CMSS1: variants seen among roughly 807,000 people sequenced by gnomAD.
CMSS1 encodes the protein cms1 ribosomal small subunit homolog.
CMSS1 carries 33 observed loss-of-function variants against 43.5 expected under a neutral mutation model. The observed-to-expected ratio is 0.76, with a 90% CI of 0.57 to 1.01. The LOEUF (loss-of-function observed/expected upper bound fraction) is 1.01. CMSS1 is among the 50% of genes least tolerant of loss of function. CMSS1 has a pLI of 0.00. For missense variants in CMSS1, 313 were observed against 326.4 expected (o/e 0.96, Z 0.32); for synonymous variants, 115 against 117.2 (o/e 0.98, Z 0.12).
At chr3:100,144,050 A>G (rs970651567) in intron 1 of CMSS1, among the ~76,000 whole-genome samples, 1 of 152,082 alleles carries the variant, frequency 6.6e-6, no homozygotes, top group African/African-American at 2.4e-5. Context: ...TGTTTGGGCT[A>G]TTTACATTTA....
rs1308696628 is a variant in CMSS1, at chr3:100,147,468, T to G, written c.153+407T>G. Among the ~76,000 whole-genome samples, 6 of 151,974 alleles carry G rather than the reference T, an allele frequency of 3.9e-5. No individual in the cohort carries two copies. In the East Asian group the frequency reaches 1.2e-3, roughly 29 times the overall value. On this transcript the variant is annotated intron_variant, in intron 2 of 9. Transcript: ENST00000421999. Reference sequence around the variant, plus strand: ...TTTTATGTTTTGTAGAGATGAGGTTTCTCTGTGTTGCCCAGGCTGGTCTCA... The same window carrying G: ...TTTTATGTTTTGTAGAGATGAGGTTGCTCTGTGTTGCCCAGGCTGGTCTCA...
intron 2 of CMSS1, among the ~76,000 whole-genome samples, chr3:100,150,677 C>T (rs2066899657): frequency 6.6e-6 from 1 of 152,174 alleles, no homozygotes; most frequent in Admixed American, 6.5e-5. Flanking sequence ...TCTAAATAAT[C>T]ATCCTTGGCC....
intron 1 of CMSS1, chr3:99,850,384 T>C: frequency 6.2e-7 from 1 of 1,613,446 alleles, no homozygotes; most frequent in Non-Finnish European, 8.5e-7. Flanking sequence ...GAAAGCGTCT[T>C]CTAACTTTTC....
chr3:99,948,213 G>A (rs1708067221), intron 1 of CMSS1, among the ~76,000 whole-genome samples: 1 of 152,070 alleles, frequency 6.6e-6, no homozygotes, highest in Admixed American at 6.6e-5. Context: ...ATGGAGAGAA[G>A]AACCAAAGTT....
chr3:100,144,404 G>A (rs2066830397), intron 1 of CMSS1, among the ~76,000 whole-genome samples: 1 of 152,226 alleles, frequency 6.6e-6, no homozygotes, highest in African/African-American at 2.4e-5. Flanking sequence ...GGGGATGGAA[G>A]TCCAGGCTCC....
intron 1 of CMSS1, among the ~76,000 whole-genome samples, chr3:99,942,207 A>G (rs1160162533): frequency 6.6e-6 from 1 of 152,168 alleles, no homozygotes; most frequent in Non-Finnish European, 1.5e-5. Flanking sequence ...ATCTCAAAAA[A>G]AAAAAAAGAA....
At position 99,927,589 on chromosome 3, in the gene CMSS1, G is replaced by T. The variant is rs143853297; in HGVS notation, c.64+109546G>T. On this transcript the variant is annotated intron_variant, in intron 1 of 9. Coordinates refer to ENST00000421999, the MANE Select transcript of CMSS1 (RefSeq NM_032359.4). ...TCTTCATGTTGGTCAGGCTGGTCTC[G>T]AATTCCCGACCTCAGGTGATCTGCC... is the stretch of plus-strand genomic sequence containing the variant. Among the ~76,000 whole-genome samples the T allele has an allele frequency of 4.7e-3, 719 of 151,944 alleles. 6 individuals are homozygous for T. The highest frequency in any genetic ancestry group is 0.016 in the African/African-American group (676 of 41,452).
intron 1 of CMSS1, among the ~76,000 whole-genome samples, chr3:100,003,606 T>G (rs1709905755): frequency 6.6e-6 from 1 of 152,160 alleles, no homozygotes; most frequent in Non-Finnish European, 1.5e-5. Flanking sequence ...AAGTACAGTG[T>G]TTTTTCCAGT....
intron 1 of CMSS1, among the ~76,000 whole-genome samples, chr3:99,857,697 G>A (rs908282820): frequency 2.6e-5 from 4 of 152,250 alleles, no homozygotes; most frequent in Admixed American, 6.5e-5. Context: ...GCAATAAAAC[G>A]AATTCCACAA....
chr3:100,088,729 T>A (rs537932116), intron 1 of CMSS1, among the ~76,000 whole-genome samples: 1 of 152,134 alleles, frequency 6.6e-6, no homozygotes, highest in Admixed American at 6.5e-5. Context: ...TATTTTCTTG[T>A]CCTTGTGCCT....
intron 1 of CMSS1, among the ~76,000 whole-genome samples, chr3:99,846,068 A>C (rs908710944): frequency 2.0e-5 from 3 of 152,248 alleles, no homozygotes; most frequent in Non-Finnish European, 4.4e-5. Flanking sequence ...GAATCCTTTC[A>C]AAATGGGTGG....
intron 1 of CMSS1, among the ~76,000 whole-genome samples, chr3:99,899,861 G>A (rs1460160934): frequency 6.6e-6 from 1 of 152,150 alleles, no homozygotes; most frequent in Admixed American, 6.5e-5. Context: ...CTTCCTCATA[G>A]GGTTGTTATA....
chr3:100,090,392 T>C (rs1347975291), intron 1 of CMSS1, among the ~76,000 whole-genome samples: 1 of 152,222 alleles, frequency 6.6e-6, no homozygotes, highest in Admixed American at 6.5e-5. Context: ...CTGGTCGTGA[T>C]TTTTCAGGGA....
chr3:100,156,351 C>T (rs924225491), intron 2 of CMSS1, among the ~76,000 whole-genome samples: 1 of 147,066 alleles, frequency 6.8e-6, no homozygotes, highest in Non-Finnish European at 1.5e-5. Flanking sequence ...CTCTGTCACC[C>T]AGGCTGGAGT....
At chr3:100,025,194 G>T (rs1451160372) in intron 1 of CMSS1, among the ~76,000 whole-genome samples, 1 of 152,140 alleles carries the variant, frequency 6.6e-6, no homozygotes, top group Non-Finnish European at 1.5e-5. Flanking sequence ...ATTTTCCTAT[G>T]CCTATAGTAG....
At chr3:99,945,734 T>C (rs546117911) in intron 1 of CMSS1, among the ~76,000 whole-genome samples, 1 of 152,318 alleles carries the variant, frequency 6.6e-6, no homozygotes, top group South Asian at 2.1e-4. Context: ...CTGTTTTTGC[T>C]AGGGGTTGGG....
chr3:100,032,831 C>T (rs1463463233), intron 1 of CMSS1, among the ~76,000 whole-genome samples: 1 of 152,074 alleles, frequency 6.6e-6, no homozygotes, highest in Non-Finnish European at 1.5e-5. Context: ...ACAATGATAA[C>T]ATAATTAACT....
intron 1 of CMSS1, among the ~76,000 whole-genome samples, chr3:99,961,417 A>G (rs1342507250): frequency 3.9e-5 from 6 of 152,134 alleles, no homozygotes; most frequent in Non-Finnish European, 8.8e-5. Flanking sequence ...AATGACTCTT[A>G]TGCTATATAT....
At chr3:100,109,379 A>C (rs76770021) in intron 1 of CMSS1, among the ~76,000 whole-genome samples, 1,851 of 152,276 alleles carry the variant, frequency 0.012, 25 homozygotes, top group African/African-American at 0.028. Context: ...TACAATTCTG[A>C]AAATTTTGAC....
Sources: gnomAD v4.1 joint callset for allele counts (sites outside exome capture counted in the v4.1 genomes callset) on GRCh38, gnomAD v4.1.1 for gene constraint, MANE v1.5 for transcripts, NCBI Gene and HGNC (gene_info 2026-07-23, HGNC 2026-07-21) for gene names.